Variants in ITGBL1 observed in about 807,000 individuals in gnomAD.
ITGBL1 encodes integrin subunit beta like 1.
Under a neutral mutation model 68.5 loss-of-function variants are expected in ITGBL1, and 51 were observed. The observed-to-expected ratio is 0.74, with a 90% CI of 0.59 to 0.94. The LOEUF is 0.94. Among genes scored for constraint, ITGBL1 ranks in the 40% least tolerant of loss-of-function variants. The probability of loss-of-function intolerance (pLI) is 0.00; values close to 1 mark genes in which losing one functional copy is unlikely to be tolerated. For missense variants in ITGBL1, 649 were observed against 647.4 expected, an observed-to-expected ratio of 1.00 and a Z score of -0.03; for synonymous variants, 209 against 227.3, an observed-to-expected ratio of 0.92 and a Z score of 0.72.
chr13:101,633,096 G>A lies in ITGBL1; in HGVS notation c.1015+34797G>A, dbSNP rs144889678. On this transcript the variant is annotated intron_variant, in intron 7 of 10. Transcript: ENST00000376180. ...TGAACTTTCTGTTGGAATTGGAAGG[G>A]CTGAAAAGAATGTATTTTCACAATT... Among the ~76,000 whole-genome samples, 39 of 152,292 alleles carry A rather than the reference G, an allele frequency of 2.6e-4. No individual in the cohort carries two copies. In the East Asian group the frequency reaches 7.3e-3, roughly 29 times the overall value.
At chr13:101,653,870 GTTTTT>G (rs1156397350) in intron 7 of ITGBL1, among the ~76,000 whole-genome samples, 1 of 55,132 alleles carries the variant, frequency 1.8e-5, no homozygotes, top group East Asian at 5.6e-4. Flanking sequence ...TTTGTTTTTT[GTTTTT>G]TTTTTTTTGT....
chr13:101,708,574 G>A (rs139618682), intron 9 of ITGBL1, among the ~76,000 whole-genome samples: 13 of 152,320 alleles, frequency 8.5e-5, no homozygotes, highest in African/African-American at 2.2e-4. Context: ...AAGATGTGCC[G>A]TGTGTCCCCT....
intron 2 of ITGBL1, among the ~76,000 whole-genome samples, chr13:101,478,835 T>G (rs1295509238): frequency 6.6e-6 from 1 of 152,028 alleles, no homozygotes; most frequent in Non-Finnish European, 1.5e-5. Flanking sequence ...GGAAAGAGAT[T>G]TCATGTTCAT....
intron 2 of ITGBL1, among the ~76,000 whole-genome samples, chr13:101,522,826 C>T (rs2049307911): frequency 1.3e-5 from 2 of 152,126 alleles, no homozygotes; most frequent in African/African-American, 4.8e-5. Flanking sequence ...TGTTTTGATC[C>T]AGGCAGACAA....
intron 8 of ITGBL1, 93 bp from the exon 9 acceptor site, chr13:101,706,663 G>T (rs1226951860): frequency 4.7e-6 from 6 of 1,282,396 alleles, no homozygotes; most frequent in Non-Finnish European, 6.4e-6. Flanking sequence ...TGGGAAATGA[G>T]ATCCTATGGT....
chr13:101,702,914 C>A (rs547294546), intron 8 of ITGBL1, among the ~76,000 whole-genome samples: 35 of 152,088 alleles, frequency 2.3e-4, no homozygotes, highest in African/African-American at 7.2e-4. Context: ...TAGATAGGGG[C>A]GTAGGGGTGC....
chr13:101,470,059 G>T (rs2048436352), intron 2 of ITGBL1, among the ~76,000 whole-genome samples: 1 of 152,164 alleles, frequency 6.6e-6, no homozygotes, highest in Non-Finnish European at 1.5e-5. Context: ...CTTATGATCA[G>T]ACCTAGCCTC....
chr13:101,710,858 A>G (rs966082976), intron 9 of ITGBL1: 1 of 152,228 alleles, frequency 6.6e-6, no homozygotes, highest in Non-Finnish European at 1.5e-5. Context: ...AAGACAATAA[A>G]TCACTCCATA....
intron 7 of ITGBL1, among the ~76,000 whole-genome samples, chr13:101,616,123 T>C (rs1255061353): frequency 6.6e-6 from 1 of 152,200 alleles, no homozygotes; most frequent in Non-Finnish European, 1.5e-5. Flanking sequence ...TAGTAAATGC[T>C]CTGACGGAGA....
chr13:101,478,384 T>C (rs4586281), intron 2 of ITGBL1, among the ~76,000 whole-genome samples: 21,621 of 152,074 alleles, frequency 0.14, 2,046 homozygotes, highest in East Asian at 0.43. Flanking sequence ...TCATACTGAT[T>C]GGGGAAAAAC....
intron 2 of ITGBL1, among the ~76,000 whole-genome samples, chr13:101,515,601 G>A (rs1169234380): frequency 1.3e-5 from 2 of 151,992 alleles, no homozygotes; most frequent in African/African-American, 4.8e-5. Flanking sequence ...TTCATTGATG[G>A]TAATTTGTTT....
chr13:101,576,548 G>A (rs190765340), intron 4 of ITGBL1, among the ~76,000 whole-genome samples: 27 of 152,286 alleles, frequency 1.8e-4, no homozygotes, highest in Non-Finnish European at 2.9e-4. Context: ...ACTGCCCTGC[G>A]TGCAGAAATG....
chr13:101,645,496 G>GA (rs35239493), intron 7 of ITGBL1, among the ~76,000 whole-genome samples: 16,630 of 150,108 alleles, frequency 0.11, 1,239 homozygotes, highest in African/African-American at 0.22. Flanking sequence ...TTATAAACCT[G>GA]AAAAAAAAAA....
intron 2 of ITGBL1, among the ~76,000 whole-genome samples, chr13:101,466,578 T>G (rs2048384533): frequency 6.6e-6 from 1 of 152,202 alleles, no homozygotes; most frequent in Non-Finnish European, 1.5e-5. Context: ...AGTTAGATCT[T>G]AACATCACTG....
intron 7 of ITGBL1, among the ~76,000 whole-genome samples, chr13:101,669,449 G>A (rs992306734): frequency 2.7e-4 from 41 of 152,232 alleles, no homozygotes; most frequent in African/African-American, 9.6e-4. Flanking sequence ...GGTCTGAGGA[G>A]AATGCAAAGG....
chr13:101,536,088 A>T (rs1399295507), intron 2 of ITGBL1, among the ~76,000 whole-genome samples: 1 of 151,804 alleles, frequency 6.6e-6, no homozygotes, highest in Non-Finnish European at 1.5e-5. Context: ...GTTTTAGGGT[A>T]CATGTGCACA....
chr13:101,583,169 A>G (rs3918322), intron 5 of ITGBL1, 47 bp from the exon 6 acceptor site: 294,896 of 1,575,340 alleles, frequency 0.19, 29,651 homozygotes, highest in African/African-American at 0.28. Flanking sequence ...GCTTTCTTTC[A>G]TGGTTTTTCT....
chr13:101,518,319 CGTTAT>C (rs1566712076), intron 2 of ITGBL1, among the ~76,000 whole-genome samples: 1 of 152,098 alleles, frequency 6.6e-6, no homozygotes, highest in Admixed American at 6.5e-5. Context: ...TACCATCAAT[CGTTAT>C]GTTAAGATAC....
At chr13:101,646,290 A>G (rs1341408288) in intron 7 of ITGBL1, among the ~76,000 whole-genome samples, 2 of 151,750 alleles carry the variant, frequency 1.3e-5, no homozygotes, top group South Asian at 4.1e-4. Flanking sequence ...ACCAGGTGTA[A>G]TTATTTTACC....
Sources: allele counts gnomAD v4.1 joint callset (sites outside exome capture counted in the v4.1 genomes callset), GRCh38; gene constraint gnomAD v4.1.1; transcripts MANE v1.5; gene names NCBI Gene and HGNC (gene_info 2026-07-23, HGNC 2026-07-21).